Variants in NAV1 observed in about 807,000 individuals in gnomAD.
The protein encoded by NAV1 is pore membrane and/or filament interacting like protein 3.
A neutral mutation model predicts 175.2 loss-of-function variants in NAV1; 18 were observed. The observed-to-expected ratio is 0.10, with a 90% CI of 0.07 to 0.15. The LOEUF is 0.15. Ranked by LOEUF, NAV1 falls within the 10% of genes least tolerant of loss-of-function variation. NAV1 has a pLI of 1.00. For synonymous variants in NAV1, 897 were observed against 978.7 expected (o/e 0.92, Z 1.56); for missense variants, 1,731 against 2,436.6 (o/e 0.71, Z 6.10).
intron 2 of NAV1, among the ~76,000 whole-genome samples, chr1:201,605,570 G>A (rs569364138): frequency 2.6e-5 from 4 of 152,286 alleles, no homozygotes; most frequent in African/African-American, 7.2e-5. Context: ...TTCATGTGAG[G>A]GGCAAGAATG....
chr1:201,685,275 TCA>T (rs956863836), intron 1 of NAV1, among the ~76,000 whole-genome samples: 2 of 152,122 alleles, frequency 1.3e-5, no homozygotes, highest in African/African-American at 4.8e-5. Flanking sequence ...TTATTCTGAA[TCA>T]CAGTCTTTTA....
intron 2 of NAV1, among the ~76,000 whole-genome samples, chr1:201,598,904 C>A (rs945021639): frequency 8.5e-5 from 13 of 152,282 alleles, no homozygotes; most frequent in African/African-American, 2.9e-4. Context: ...ATAGGCTATA[C>A]AGAGGCCATG....
intron 2 of NAV1, among the ~76,000 whole-genome samples, chr1:201,611,757 T>G (rs912591809): frequency 6.6e-6 from 1 of 152,196 alleles, no homozygotes; most frequent in Non-Finnish European, 1.5e-5. Flanking sequence ...AGCACACTGC[T>G]GGAGGCCTGG....
intron 2 of NAV1, among the ~76,000 whole-genome samples, chr1:201,606,536 C>G (rs1478624196): frequency 1.3e-5 from 2 of 152,204 alleles, no homozygotes; most frequent in Non-Finnish European, 1.5e-5. Context: ...ATCTTTGCGT[C>G]TCCAAACTCC....
rs573266806 is a variant in NAV1 at position 201,809,269 on chromosome 1, A to G, written c.4305+8A>G. 2 of 1,613,616 alleles carry G rather than the reference A, an allele frequency of 1.2e-6. No homozygotes were observed. Among genetic ancestry groups the G allele is most frequent in the African/African-American group, 2.7e-5 (2 of 75,010 alleles). ...CAGCACATCATCAAAGGGGTAAGGA[A>G]CTTCAGGGAGAGCCACAGTGGGAAT... On this transcript the variant is annotated splice_region_variant and intron_variant, in intron 21 of 29. Transcript: ENST00000367296.
intron 1 of NAV1, among the ~76,000 whole-genome samples, chr1:201,706,375 T>C (rs779716860): frequency 1.3e-5 from 2 of 152,076 alleles, no homozygotes; most frequent in Non-Finnish European, 2.9e-5. Context: ...CCATCCCACA[T>C]GATTAATTTA....
At chr1:201,601,965 C>T (rs560462434) in intron 2 of NAV1, among the ~76,000 whole-genome samples, 1 of 152,160 alleles carries the variant, frequency 6.6e-6, no homozygotes, top group Non-Finnish European at 1.5e-5. Flanking sequence ...TTCCAGCCAG[C>T]TCAGGTTATC....
At chr1:201,623,672 AAGAGGAC>A (rs1241417245) in intron 1 of NAV1, 66 bp downstream of exon 3, 1 of 986,050 alleles carries the variant, frequency 1.0e-6, no homozygotes, top group East Asian at 1.1e-4. Context: ...GGCAAGCCGG[AAGAGGAC>A]AGGGACCCTG....
chr1:201,623,302 T>A, exon 1 of NAV1: 3 of 985,916 alleles, frequency 3.0e-6, no homozygotes, highest in Non-Finnish European at 3.6e-6. Context: ...GACTCCAGTC[T>A]GCCAGACCCG....
intron 1 of NAV1, among the ~76,000 whole-genome samples, chr1:201,554,327 C>T (rs755535908): frequency 7.9e-5 from 12 of 152,188 alleles, no homozygotes; most frequent in African/African-American, 9.7e-5. Flanking sequence ...AGCTGTTTTA[C>T]CAGCAGGACG....
chr1:201,718,754 G>C lies in NAV1; in HGVS notation c.1225G>C (p.Gly409Arg), dbSNP rs756846075. The change falls in exon 3 of 30, where the codon GGC becomes CGC. Residue 409 changes from glycine (G) to arginine (R), a missense_variant and splice_region_variant. By Grantham distance (125) the Gly-to-Arg change is moderately radical. Transcript: ENST00000367296. The surrounding 1 kb of genome is among the most constrained non-coding windows in gnomAD (Gnocchi z 4.8). ...GACGGAGGATGATGACATCACTACC[G>C]GGTAAGCGCAGGGGCTTCTTGGATG... The C allele has an allele frequency of 6.2e-7, 1 of 1,603,492 alleles. No homozygotes were observed. Among genetic ancestry groups the C allele is most frequent in the South Asian group, 1.1e-5 (1 of 90,340 alleles).
chr1:201,644,102 C>T (rs1370605053), upstream of NAV1, among the ~76,000 whole-genome samples: 1 of 152,144 alleles, frequency 6.6e-6, no homozygotes, highest in Non-Finnish European at 1.5e-5. Flanking sequence ...TCTGCACCTC[C>T]CCTTTAGAAA....
intron 1 of NAV1, among the ~76,000 whole-genome samples, chr1:201,674,764 C>T (rs927240019): frequency 4.6e-5 from 7 of 152,072 alleles, no homozygotes; most frequent in African/African-American, 1.2e-4. Flanking sequence ...TGGCTGGGCA[C>T]GGTGGCTCAC....
intron 1 of NAV1, among the ~76,000 whole-genome samples, chr1:201,584,825 G>GGGGAGAGTCCGGAGCAGACA (rs1666978610): frequency 6.6e-6 from 1 of 152,198 alleles, no homozygotes; most frequent in South Asian, 2.1e-4. Context: ...AAAGGGGTTT[G>GGGGAGAGTCCGGAGCAGACA]GGGAGAGTCC....
chr1:201,624,781 A>T (rs1463138647), intron 1 of NAV1, among the ~76,000 whole-genome samples: 2 of 152,180 alleles, frequency 1.3e-5, no homozygotes, highest in East Asian at 3.8e-4. Flanking sequence ...GACTAAACTA[A>T]CTTCCTATAT....
intron 1 of NAV1, among the ~76,000 whole-genome samples, chr1:201,661,204 C>T (rs1669602148): frequency 6.6e-6 from 1 of 152,168 alleles, no homozygotes; most frequent in Admixed American, 6.5e-5. Context: ...TCTTGATGTT[C>T]TAGAACCCTT....
At chr1:201,804,618 A>G in intron 17 of NAV1, 121 bp downstream of exon 21, 1 of 941,028 alleles carries the variant, frequency 1.1e-6, no homozygotes, top group Non-Finnish European at 1.6e-6. Flanking sequence ...GACCACTCAT[A>G]ACACTAACTG....
In NAV1 at chr1:201,718,792, G is replaced by A. The variant is rs376021073; in HGVS notation, c.1226+37G>A. On this transcript the variant is annotated intron_variant, in intron 3 of 29. Transcript: ENST00000367296. This position sits in a 1 kb window ranked among gnomAD's most constrained non-coding sequence, Gnocchi z 4.8. ...GGCTTCTTGGATGGCGGGGGAGGAT[G>A]GTGGAAAGACCACTGGGATGCGACG... is the stretch of plus-strand genomic sequence containing the variant. The A allele has an allele frequency of 1.1e-5, 18 of 1,569,648 alleles. No homozygotes were observed. The African/African-American group carries it at 2.2e-4, about 19-fold the overall frequency.
At chr1:201,557,168 T>A (rs934868154) in intron 1 of NAV1, among the ~76,000 whole-genome samples, 7 of 152,206 alleles carry the variant, frequency 4.6e-5, no homozygotes, top group Non-Finnish European at 2.9e-5. Flanking sequence ...AAATGCCACA[T>A]TTCAGCCCCA....
Sources: allele counts gnomAD v4.1 joint callset (sites outside exome capture counted in the v4.1 genomes callset), GRCh38; gene constraint gnomAD v4.1.1; non-coding constraint Gnocchi (gnomAD v3.1); transcripts MANE v1.5; gene names NCBI Gene and HGNC (gene_info 2026-07-23, HGNC 2026-07-21).